The following PIWIL2 variants were observed in gnomAD, a reference collection of about 807,000 sequenced individuals.
PIWIL2 encodes the protein piwi like RNA-mediated gene silencing 2, also known as piwi-like protein 2.
A neutral mutation model predicts 116.5 loss-of-function variants in PIWIL2; 81 were observed. That is an observed-to-expected ratio of 0.70 (90% CI 0.58 to 0.84). The LOEUF (loss-of-function observed/expected upper bound fraction) is 0.84. Ranked by LOEUF, PIWIL2 falls within the 40% of genes least tolerant of loss-of-function variation. The pLI is 0.00. For synonymous variants in PIWIL2, 489 were observed against 429.5 expected, an observed-to-expected ratio of 1.14 and a Z score of -1.71; for missense variants, 1,272 against 1,212.3, an observed-to-expected ratio of 1.05 and a Z score of -0.73.
rs1212598272 is a variant in PIWIL2, at chr8:22,353,018, A to T, written c.2463A>T (p.Gln821His). The T allele has an allele frequency of 5.6e-6, 9 of 1,613,526 alleles. No individual in the cohort carries two copies. Among genetic ancestry groups the T allele is most frequent in the Non-Finnish European group, 7.6e-6 (9 of 1,179,522 alleles). ...VVYRDGVSDG[Q>H]LKTVANYEIP... ...ACCGTGATGGAGTGTCTGATGGCCA[A>T]CTGAAGACAGTTGCCAACTATGAGA... Residue 821 changes from glutamine (Q) to histidine (H), a missense_variant, in exon 21 of 23, where the codon CAA becomes CAT. Physicochemically the swap from Gln to His is conservative, Grantham distance 24. Transcript: ENST00000356766.
chr8:22,303,448 G>A (rs1252879793), intron 10 of PIWIL2, among the ~76,000 whole-genome samples: 3 of 152,182 alleles, frequency 2.0e-5, no homozygotes, highest in Non-Finnish European at 4.4e-5. Context: ...ATGGAGTGCA[G>A]TGATGCTATC....
At chr8:22,296,056 T>TTTGTTGTTGTTG (rs1554499137) in intron 10 of PIWIL2, among the ~76,000 whole-genome samples, 3 of 118,362 alleles carry the variant, frequency 2.5e-5, no homozygotes, top group African/African-American at 6.6e-5. Flanking sequence ...TTTTTTTTTT[T>TTTGTTGTTGTTG]TTGTTGTTGT....
chr8:22,303,890 CT>C (rs772656368), intron 10 of PIWIL2, 130 bp from the exon 11 acceptor site: 1 of 505,750 alleles, frequency 2.0e-6, no homozygotes, highest in Non-Finnish European at 3.4e-6. Context: ...AGAGTCCCAT[CT>C]TTTAACACAA....
In PIWIL2 at chr8:22,355,372, T is replaced by C. The variant is rs746016185; in HGVS notation, c.2789T>C (p.Met930Thr). 1.6e-5 allele frequency: 26 copies of C among 1,614,208 alleles called. 2 individuals are homozygous for C. In the South Asian group the frequency reaches 2.9e-4, roughly 18 times the overall value. ...MQRLTFKLCH[M>T]YWNWPGTIRV... ...AGGCTGACTTTCAAACTGTGCCACA[T>C]GTACTGGAATTGGCCTGGCACCATC... The change falls in exon 23 of 23, where the codon ATG becomes ACG. Residue 930 changes from methionine to threonine, a missense_variant. Transcript: ENST00000356766.
intron 20 of PIWIL2, among the ~76,000 whole-genome samples, chr8:22,323,522 G>A (rs568601563): frequency 3.3e-5 from 5 of 152,254 alleles, no homozygotes; most frequent in African/African-American, 1.2e-4. Flanking sequence ...GAGCCACAGT[G>A]CCCAGCCCAG....
chr8:22,283,281 T>C, intron 5 of PIWIL2, 41 bp downstream of exon 5: 1 of 1,489,882 alleles, frequency 6.7e-7, no homozygotes, highest in Non-Finnish European at 9.3e-7. Context: ...GTAATGATCG[T>C]GAAAACTCTG....
chr8:22,285,486 G>A (rs192857635), intron 6 of PIWIL2, among the ~76,000 whole-genome samples: 162 of 152,228 alleles, frequency 1.1e-3, no homozygotes, highest in Admixed American at 3.8e-3. Flanking sequence ...TTGATTCCAC[G>A]TCTTGCCTGT....
rs150202996 is a variant in PIWIL2 at position 22,277,998 on chromosome 8, G to A, written c.-46-1343G>A. On this transcript the variant is annotated intron_variant, in intron 1 of 22. Coordinates refer to ENST00000356766, the MANE Select transcript of PIWIL2 (RefSeq NM_018068.5). Reference sequence around the variant, plus strand: ...AGCCTGACCAACATAGAGAAACCCCGTCTCTATTAAAAATACAAAATTAGC... The same window carrying A: ...AGCCTGACCAACATAGAGAAACCCCATCTCTATTAAAAATACAAAATTAGC... 1.8e-3 allele frequency among the ~76,000 whole-genome samples: 267 copies of A among 151,974 alleles called. 6 individuals carry two copies. In the East Asian group the frequency reaches 0.042, roughly 24 times the overall value.
intron 19 of PIWIL2, among the ~76,000 whole-genome samples, chr8:22,316,964 G>C (rs1036492060): frequency 4.6e-5 from 7 of 151,934 alleles, no homozygotes; most frequent in Non-Finnish European, 1.0e-4. Flanking sequence ...AATTTTTGTA[G>C]AGACAGGGTT....
At chr8:22,340,103 A>T (rs1832074429) in intron 20 of PIWIL2, among the ~76,000 whole-genome samples, 1 of 130,922 alleles carries the variant, frequency 7.6e-6, no homozygotes, top group South Asian at 2.6e-4. Context: ...CCCAGGCTGA[A>T]GTGCAATGGT....
chr8:22,332,179 C>T (rs969532054), intron 20 of PIWIL2, among the ~76,000 whole-genome samples: 2 of 152,044 alleles, frequency 1.3e-5, no homozygotes, highest in East Asian at 3.9e-4. Context: ...GTGCTGCGCC[C>T]CTGTAATCCC....
At position 22,353,123 on chromosome 8, in the gene PIWIL2, C is replaced by T; in HGVS notation, c.2568C>T (p.Ile856=). 6.2e-7 allele frequency: 1 copy of T among 1,613,910 alleles called. No homozygotes were observed. The highest frequency in any genetic ancestry group is 8.5e-7 in the Non-Finnish European group (1 of 1,179,778). Residue 856 remains isoleucine, a synonymous_variant, in exon 21 of 23, where the codon ATC becomes ATT. Transcript: ENST00000356766. ...TGGTGTTTGTAGTTCAGAAGAAAAT[C>T]AGTACTAATCTATATCTGGCTGCTC... ...KMVVFVVQKK[I]STNLYLAAPQ... is the part of the protein sequence containing the mutation.
At chr8:22,328,333 G>C (rs1159590046) in intron 20 of PIWIL2, among the ~76,000 whole-genome samples, 1 of 152,070 alleles carries the variant, frequency 6.6e-6, no homozygotes, top group Non-Finnish European at 1.5e-5. Flanking sequence ...GATTATTGTT[G>C]CTTTGTAATA....
chr8:22,277,033 A>T (rs6995167), intron 1 of PIWIL2, among the ~76,000 whole-genome samples: 83,624 of 146,074 alleles, frequency 0.57, 24,049 homozygotes, highest in East Asian at 0.81. Context: ...ATATATATAT[A>T]TTTTTTTTTT....
chr8:22,287,220 C>T (rs997030255), intron 6 of PIWIL2, among the ~76,000 whole-genome samples: 2 of 152,148 alleles, frequency 1.3e-5, no homozygotes. Context: ...GCACTCCAGC[C>T]TGGGCGGCAG....
At chr8:22,336,888 GA>G (rs2132087875) in intron 20 of PIWIL2, among the ~76,000 whole-genome samples, 1 of 152,248 alleles carries the variant, frequency 6.6e-6, no homozygotes, top group South Asian at 2.1e-4. Context: ...AGAAGAATCT[GA>G]TAACTAAGAT....
intron 20 of PIWIL2, among the ~76,000 whole-genome samples, chr8:22,345,898 C>T (rs369479535): frequency 6.6e-6 from 1 of 152,010 alleles, no homozygotes; most frequent in Non-Finnish European, 1.5e-5. Context: ...GGAGACAAAG[C>T]GCATTAGTAG....
intron 6 of PIWIL2, 35 bp from the exon 7 acceptor site, chr8:22,287,493 C>T (rs1270587780): frequency 7.3e-7 from 1 of 1,366,304 alleles, no homozygotes; most frequent in South Asian, 1.2e-5. Context: ...CAGTTTGAGT[C>T]AAGTTAAAGG....
intron 10 of PIWIL2, among the ~76,000 whole-genome samples, chr8:22,297,936 C>T (rs1830951035): frequency 6.6e-6 from 1 of 152,112 alleles, no homozygotes; most frequent in Non-Finnish European, 1.5e-5. Context: ...TATGTATAGA[C>T]AGCAGTAAAA....
Sources: allele counts gnomAD v4.1 joint callset (sites outside exome capture counted in the v4.1 genomes callset), GRCh38; gene constraint gnomAD v4.1.1; transcripts MANE v1.5; gene names NCBI Gene and HGNC (gene_info 2026-07-23, HGNC 2026-07-21).